Variants in LINC01488 observed in about 807,000 individuals in gnomAD.
LINC01488 encodes long independently transcribed non-coding RNA 1488.
At chr11:69,492,566 AT>A in exon 4 of LINC01488, 1 of 152,278 alleles carries the variant, frequency 6.6e-6, no homozygotes, top group Admixed American at 6.5e-5. Flanking sequence ...GCCAAGGAGC[AT>A]GGGCGGCCTC....
intron 1 of LINC01488, among the ~76,000 whole-genome samples, chr11:69,487,498 C>G (rs747287583): frequency 1.3e-5 from 2 of 152,212 alleles, no homozygotes; most frequent in Non-Finnish European, 2.9e-5. Context: ...TGACGGGGAG[C>G]TAGGTTTGGC....
intron 1 of LINC01488, among the ~76,000 whole-genome samples, chr11:69,490,235 C>T (rs1045972415): frequency 1.3e-5 from 2 of 152,174 alleles, no homozygotes; most frequent in South Asian, 2.1e-4. Flanking sequence ...CCTGTTCCGC[C>T]GAATGGGCTT....
chr11:69,482,712 G>T (rs1239358586), intron 1 of LINC01488, among the ~76,000 whole-genome samples: 2 of 152,184 alleles, frequency 1.3e-5, no homozygotes, highest in East Asian at 1.9e-4. Context: ...TATATAGTTT[G>T]TCATACCAGA....
chr11:69,490,684 T>C (rs563666618), intron 2 of LINC01488: 2 of 152,348 alleles, frequency 1.3e-5, no homozygotes, highest in African/African-American at 4.8e-5. Context: ...TTTGAGGCCT[T>C]CGTGTCAAAG....
intron 1 of LINC01488, among the ~76,000 whole-genome samples, chr11:69,486,858 C>G (rs1376591754): frequency 6.6e-6 from 1 of 152,186 alleles, no homozygotes; most frequent in South Asian, 2.1e-4. Flanking sequence ...TGGCCCTGCC[C>G]CACTGTCCCC....
At chr11:69,484,734 G>A (rs1857087178) in intron 1 of LINC01488, among the ~76,000 whole-genome samples, 1 of 152,236 alleles carries the variant, frequency 6.6e-6, no homozygotes, top group Non-Finnish European at 1.5e-5. Flanking sequence ...AATCAGCGAT[G>A]GGTGGCCGTG....
chr11:69,485,641 C>G (rs1284801114), intron 1 of LINC01488: 2 of 152,378 alleles, frequency 1.3e-5, no homozygotes, highest in South Asian at 2.1e-4. Context: ...GTCTGTGTCA[C>G]TCAGCAGCAG....
chr11:69,482,001 G>A lies in LINC01488; in HGVS notation n.122+218G>A, dbSNP rs530276704. On this transcript the variant is annotated intron_variant and non_coding_transcript_variant, in intron 1 of 3. Coordinates refer to ENST00000644563, the Ensembl canonical transcript of LINC01488. ...TGGATGGATGGATGAGTGGATGGAC[G>A]GACAGATGGATGGATGGATGGATGG... Among the ~76,000 whole-genome samples the A allele has an allele frequency of 1.5e-4, 23 of 151,922 alleles. No homozygotes were observed. The South Asian group carries it at 4.2e-3, about 27-fold the overall frequency.
intron 1 of LINC01488, among the ~76,000 whole-genome samples, chr11:69,487,122 G>A (rs116097122): frequency 6.6e-6 from 1 of 152,220 alleles, no homozygotes; most frequent in African/African-American, 2.4e-5. Flanking sequence ...GGAGTATTTT[G>A]GGGGTGTCCC....
chr11:69,485,283 A>G (rs1857097676), intron 1 of LINC01488, among the ~76,000 whole-genome samples: 1 of 152,212 alleles, frequency 6.6e-6, no homozygotes, highest in African/African-American at 2.4e-5. Flanking sequence ...TAAGGTTCCA[A>G]GGTCTTCTCA....
intron 1 of LINC01488, among the ~76,000 whole-genome samples, chr11:69,490,331 C>T (rs925918440): frequency 4.6e-5 from 7 of 152,242 alleles, no homozygotes; most frequent in Admixed American, 1.3e-4. Flanking sequence ...ACACAGCCAA[C>T]AGTCAGTGCT....
exon 4 of LINC01488, chr11:69,493,186 C>T (rs540233): frequency 0.36 from 54,571 of 152,076 alleles, 10,275 homozygotes; most frequent in East Asian, 0.65. Context: ...TTCCAAAGCA[C>T]TGGAATAAAA....
At chr11:69,486,879 C>T (rs776822771) in intron 1 of LINC01488, among the ~76,000 whole-genome samples, 3 of 152,234 alleles carry the variant, frequency 2.0e-5, no homozygotes, top group Non-Finnish European at 2.9e-5. Context: ...GAACTGGATC[C>T]AGGCAGACAG....
At chr11:69,487,553 C>T (rs899880078) in intron 1 of LINC01488, among the ~76,000 whole-genome samples, 1 of 152,256 alleles carries the variant, frequency 6.6e-6, no homozygotes, top group Non-Finnish European at 1.5e-5. Flanking sequence ...TCCACGTGTG[C>T]TGGCCCTGGT....
At chr11:69,482,385 A>G (rs1046520666) in intron 1 of LINC01488, among the ~76,000 whole-genome samples, 1 of 146,620 alleles carries the variant, frequency 6.8e-6, no homozygotes, top group Non-Finnish European at 1.5e-5. Context: ...GACACAACCA[A>G]ACAATATCAA....
At position 69,486,444 on chromosome 11, in the gene LINC01488, G is replaced by A. The variant is rs114653228; in HGVS notation, n.123-4051G>A. Among the ~76,000 whole-genome samples the A allele has an allele frequency of 6.8e-3, 1,038 of 152,360 alleles. 12 individuals carry two copies. Among genetic ancestry groups the A allele is most frequent in the African/African-American group, 0.023 (968 of 41,592 alleles). On this transcript the variant is annotated intron_variant and non_coding_transcript_variant, in intron 1 of 3. Transcript: ENST00000644563. ...AGGTTCATCTCCCCAGGTGTTGCCT[G>A]AGCTTGGCTTGTGATTCCAAAACCA...
chr11:69,488,402 G>A (rs1171227658), intron 1 of LINC01488: 1 of 152,358 alleles, frequency 6.6e-6, no homozygotes, highest in Admixed American at 6.5e-5. Flanking sequence ...GCCCAGGTCT[G>A]GCCTTTTCGG....
chr11:69,481,984 T>G (rs7943837), intron 1 of LINC01488, among the ~76,000 whole-genome samples: 27 of 151,896 alleles, frequency 1.8e-4, no homozygotes, highest in African/African-American at 6.5e-4. Flanking sequence ...GGTGGATGGA[T>G]GGATGAGTGG....
chr11:69,483,022 T>C (rs1198266555), intron 1 of LINC01488, among the ~76,000 whole-genome samples: 1 of 152,096 alleles, frequency 6.6e-6, no homozygotes, highest in Non-Finnish European at 1.5e-5. Flanking sequence ...GTCCTGGGAG[T>C]TAAGACTTCA....
Sources: allele counts gnomAD v4.1 joint callset (sites outside exome capture counted in the v4.1 genomes callset), GRCh38; gene constraint gnomAD v4.1.1; transcripts MANE v1.5; gene names NCBI Gene and HGNC (gene_info 2026-07-23, HGNC 2026-07-21).